The following COX17 variants were observed in gnomAD, a reference collection of about 807,000 sequenced individuals.
COX17 encodes the protein cytochrome c oxidase copper chaperone.
A neutral mutation model predicts 6.3 loss-of-function variants in COX17; 1 was observed. The observed-to-expected ratio is 0.16, with a 90% CI of 0.06 to 0.75. COX17 has a LOEUF of 0.75. Ranked by LOEUF, COX17 falls within the 30% of genes least tolerant of loss-of-function variation. The probability of loss-of-function intolerance (pLI) is 0.77; values close to 1 mark genes in which losing one functional copy is unlikely to be tolerated. For missense variants in COX17, 73 were observed against 81.2 expected, an observed-to-expected ratio of 0.90 and a Z score of 0.39; for synonymous variants, 26 against 30.5, an observed-to-expected ratio of 0.85 and a Z score of 0.49.
At chr3:119,676,848 G>A (rs183886424) in intron 1 of COX17, 9 of 702,892 alleles carry the variant, frequency 1.3e-5, no homozygotes, top group Non-Finnish European at 2.1e-5. Flanking sequence ...ACCCATAACA[G>A]ATACTCAACA....
intron 2 of COX17, among the ~76,000 whole-genome samples, chr3:119,673,634 A>G (rs1315102552): frequency 6.6e-6 from 1 of 152,192 alleles, no homozygotes; most frequent in African/African-American, 2.4e-5. Flanking sequence ...TGTAATTTAC[A>G]TGGGGTGTTG....
intron 2 of COX17, among the ~76,000 whole-genome samples, chr3:119,673,681 G>C (rs1289608278): frequency 2.0e-5 from 3 of 152,210 alleles, no homozygotes; most frequent in Non-Finnish European, 2.9e-5. Flanking sequence ...TTTTGAAAGA[G>C]ACCTGAGTAA....
At chr3:119,668,799 A>C (rs2053016340), downstream of COX17, among the ~76,000 whole-genome samples, 1 of 151,984 alleles carries the variant, frequency 6.6e-6, no homozygotes. Flanking sequence ...TTGAGATTTT[A>C]GACTCAATGT....
At chr3:119,667,844 A>C (rs922223590), downstream of COX17, among the ~76,000 whole-genome samples, 2 of 152,120 alleles carry the variant, frequency 1.3e-5, no homozygotes, top group African/African-American at 4.8e-5. Flanking sequence ...AAAATAAAAC[A>C]AACAAAAATT....
intron 2 of COX17, among the ~76,000 whole-genome samples, chr3:119,671,323 A>C (rs942542254): frequency 6.6e-6 from 1 of 152,216 alleles, no homozygotes; most frequent in Non-Finnish European, 1.5e-5. Flanking sequence ...CTTTCAGGTA[A>C]GGTATAAAAA....
chr3:119,677,132 G>A, intron 1 of COX17, 72 bp downstream of exon 1: 1 of 1,192,746 alleles, frequency 8.4e-7, no homozygotes, highest in Admixed American at 1.9e-5. Context: ...GAGGCCGTAG[G>A]GCAGAGGCAC....
At chr3:119,666,639 T>C (rs960532128), downstream of COX17, among the ~76,000 whole-genome samples, 1 of 152,196 alleles carries the variant, frequency 6.6e-6, no homozygotes, top group African/African-American at 2.4e-5. Flanking sequence ...TATATACATA[T>C]ATCCACTAGA....
chr3:119,664,715 A>AT (rs955466653), downstream of COX17, among the ~76,000 whole-genome samples: 3 of 152,216 alleles, frequency 2.0e-5, no homozygotes, highest in Non-Finnish European at 2.9e-5. Flanking sequence ...GACTTTAGAC[A>AT]TTTTTTATAG....
At chr3:119,672,136 C>A (rs1441435704) in intron 2 of COX17, among the ~76,000 whole-genome samples, 1 of 152,186 alleles carries the variant, frequency 6.6e-6, no homozygotes, top group African/African-American at 2.4e-5. Flanking sequence ...TACATTGAAT[C>A]ATCACAACTC....
At chr3:119,668,216 CA>C (rs1467380769), downstream of COX17, among the ~76,000 whole-genome samples, 4 of 152,166 alleles carry the variant, frequency 2.6e-5, no homozygotes, top group Non-Finnish European at 2.9e-5. Flanking sequence ...CAGAAATTAA[CA>C]ATGGGTGATA....
intron 1 of COX17, chr3:119,676,996 G>A (rs1379089621): frequency 1.8e-6 from 1 of 564,368 alleles, no homozygotes; most frequent in East Asian, 3.9e-5. Flanking sequence ...TCTCCAGAGC[G>A]CCGCAATGGG....
At chr3:119,673,718 T>C (rs529771881) in intron 2 of COX17, among the ~76,000 whole-genome samples, 10 of 152,334 alleles carry the variant, frequency 6.6e-5, no homozygotes, top group Non-Finnish European at 1.5e-4. Flanking sequence ...GGGGGTGAGC[T>C]AAGTTGATAA....
chr3:119,675,078 G>A, intron 2 of COX17, 67 bp downstream of exon 2: 2 of 1,115,850 alleles, frequency 1.8e-6, no homozygotes, highest in Middle Eastern at 2.8e-4. Flanking sequence ...CTACCTTTCA[G>A]AGAGAATGTA....
At chr3:119,668,139 G>GA (rs5852220), downstream of COX17, among the ~76,000 whole-genome samples, 3,240 of 151,860 alleles carry the variant, frequency 0.021, 44 homozygotes, top group Middle Eastern at 0.071. Context: ...ATGTAGCATA[G>GA]AAAAAAAATT....
downstream of COX17, among the ~76,000 whole-genome samples, chr3:119,668,121 T>C (rs2053010807): frequency 6.6e-6 from 1 of 150,948 alleles, no homozygotes; most frequent in African/African-American, 2.4e-5. Flanking sequence ...TATAACCTCA[T>C]TAAAAATATG....
chr3:119,677,148 G>A (rs537274114), intron 1 of COX17, 56 bp downstream of exon 1: 27 of 1,417,054 alleles, frequency 1.9e-5, no homozygotes, highest in African/African-American at 2.8e-5. Flanking sequence ...GGCACCGGAA[G>A]GCACAGGCCG....
downstream of COX17, among the ~76,000 whole-genome samples, chr3:119,668,887 A>G (rs1411498492): frequency 6.6e-6 from 1 of 152,132 alleles, no homozygotes; most frequent in African/African-American, 2.4e-5. Flanking sequence ...TACTAAGGAA[A>G]TCACACTCTG....
downstream of COX17, among the ~76,000 whole-genome samples, chr3:119,665,529 A>C (rs2052986331): frequency 6.6e-6 from 1 of 152,104 alleles, no homozygotes; most frequent in South Asian, 2.1e-4. Flanking sequence ...ATGTACCACC[A>C]TGCCGAGCTA....
At position 119,677,316 on chromosome 3, in the gene COX17, G is replaced by C; in HGVS notation, c.-6C>G. The C allele has an allele frequency of 2.5e-6, 4 of 1,609,764 alleles. No homozygotes were observed. The highest frequency in any genetic ancestry group is 2.5e-6 in the Non-Finnish European group (3 of 1,178,750). ...GAGTCAACCAGACCCGGCATCTTTC[G>C]CGCCAAAAGCAGCTATGAGCGGAGA... On this transcript the variant is annotated 5_prime_UTR_variant, in exon 1 of 3. Coordinates refer to ENST00000261070, the MANE Select transcript of COX17 (RefSeq NM_005694.2).
Sources: allele counts gnomAD v4.1 joint callset (sites outside exome capture counted in the v4.1 genomes callset), GRCh38; gene constraint gnomAD v4.1.1; transcripts MANE v1.5; gene names NCBI Gene and HGNC (gene_info 2026-07-23, HGNC 2026-07-21).